The following AEN variants were observed in gnomAD, a reference collection of about 807,000 sequenced individuals.
AEN encodes the protein apoptosis-enhancing nuclease.
A neutral mutation model predicts 17.7 loss-of-function variants in AEN; 21 were observed. The ratio of observed to expected loss-of-function variants is 1.19; its 90% CI spans 0.84 to 1.71. The LOEUF is 1.71. Among genes scored for constraint, AEN ranks in the 40% most tolerant of loss-of-function variants. AEN has a pLI of 0.00. For synonymous variants in AEN, 190 were observed against 173.0 expected, an observed-to-expected ratio of 1.10 and a Z score of -0.77; for missense variants, 462 against 435.9, an observed-to-expected ratio of 1.06 and a Z score of -0.53.
In AEN at chr15:88,626,440, C is replaced by T; in HGVS notation, c.231C>T (p.Ala77=). Residue 77 remains alanine (A), a synonymous_variant, in exon 2 of 4, where the codon GCC becomes GCT. Coordinates refer to ENST00000332810, the MANE Select transcript of AEN (RefSeq NM_022767.4). ...PFGAATATEA[A]SSGKQCLRAG... is the part of the protein sequence containing the mutation. ...GGGCAGCGACAGCAACTGAAGCTGC[C>T]AGCAGTGGGAAGCAGTGTCTGAGGG... is the stretch of plus-strand genomic sequence containing the variant. 2 of 1,613,672 alleles carry T rather than the reference C, an allele frequency of 1.2e-6. No individual in the cohort carries two copies. The highest frequency in any genetic ancestry group is 1.7e-6 in the Non-Finnish European group (2 of 1,179,912).
At chr15:88,608,030 T>A in the AEN span, 31 of 475,752 alleles carry the variant, frequency 6.5e-5, no homozygotes, top group East Asian at 9.8e-4. Flanking sequence ...GTGGTTTTTT[T>A]TAATTATTAT....
rs758141243 is a variant in AEN, at chr15:88,629,408, G to A, written c.723G>A (p.Leu241=). The change falls in exon 3 of 4, where the codon CTG becomes CTA. Residue 241 remains leucine, a synonymous_variant. Transcript: ENST00000332810. Reference sequence around the variant, plus strand: ...CTCTAAAGGACCTGGCCCTGCAGCTGCTGCACAAGAAGATCCAGGTGCGTG... The same window carrying A: ...CTCTAAAGGACCTGGCCCTGCAGCTACTGCACAAGAAGATCCAGGTGCGTG... ...RVSLKDLALQ[L]LHKKIQVGQH... is the part of the protein sequence containing the mutation. 11 of 1,613,972 alleles carry A rather than the reference G, an allele frequency of 6.8e-6. No homozygotes were observed. Among genetic ancestry groups the A allele is most frequent in the Non-Finnish European group, 9.3e-6 (11 of 1,179,924 alleles).
chr15:88,605,791 A>G, the AEN span, among the ~76,000 whole-genome samples: 1 of 152,058 alleles, frequency 6.6e-6, no homozygotes, highest in African/African-American at 2.4e-5. The surrounding 1 kb of genome is among the most constrained non-coding windows in gnomAD (Gnocchi z 7.6). Flanking sequence ...CCCCTCCCCC[A>G]GCGAATCCGA....
In AEN at chr15:88,626,313, G is replaced by A. The variant is rs139013526; in HGVS notation, c.104G>A (p.Arg35Gln). 68 of 1,613,626 alleles carry A rather than the reference G, an allele frequency of 4.2e-5. No homozygotes were observed. The highest frequency in any genetic ancestry group is 5.3e-5 in the Non-Finnish European group (63 of 1,179,946). The stretch of plus-strand genomic sequence containing the variant: ...CGGAAGAGGCACAAGAGAAGGAGCC[G>A]ACAGCACCAGCGGTTCATGGCCCGG... ...VLRKRHKRRSRQHQRFMARKA... is the reference protein window; with the variant it reads ...VLRKRHKRRSQQHQRFMARKA... Residue 35 changes from arginine (R) to glutamine (Q), a missense_variant, in exon 2 of 4, where the codon CGA (arginine) becomes CAA (glutamine). Arg to Gln is a conservative substitution (Grantham distance 43). Coordinates refer to ENST00000332810, the MANE Select transcript of AEN (RefSeq NM_022767.4).
chr15:88,610,945 A>G, the AEN span, among the ~76,000 whole-genome samples: 1 of 152,118 alleles, frequency 6.6e-6, no homozygotes, highest in African/African-American at 2.4e-5. Flanking sequence ...ACTGCAAGGG[A>G]AATTAACCAG....
Position 88,626,715 on chromosome 15 carries a change from G to A in AEN, c.506G>A (p.Arg169His), listed in dbSNP as rs764858603. Residue 169 changes from arginine to histidine, a missense_variant, in exon 2 of 4, where the codon CGC becomes CAC. Coordinates refer to ENST00000332810, the MANE Select transcript of AEN (RefSeq NM_022767.4). Reference protein sequence around the residue: ...RWSGITRQHMRKAVPFQVAQK... With the variant: ...RWSGITRQHMHKAVPFQVAQK... ...AGTGGCATCACTCGGCAGCACATGC[G>A]CAAGGCTGTCCCCTTCCAGGTGGCC... The A allele has an allele frequency of 3.1e-5, 50 of 1,612,030 alleles. No homozygotes were observed. In the East Asian group the frequency reaches 7.6e-4, roughly 24 times the overall value.
the AEN span, chr15:88,608,036 A>T: frequency 8.3e-6 from 4 of 480,426 alleles, no homozygotes; most frequent in Admixed American, 4.2e-5. Context: ...TTTTTTAATT[A>T]TTATTCACTT....
chr15:88,619,558 C>T (rs1243885030), upstream of AEN, among the ~76,000 whole-genome samples: 2 of 152,074 alleles, frequency 1.3e-5, no homozygotes, highest in African/African-American at 2.4e-5. Flanking sequence ...CATGGTGGCA[C>T]GTGCCTGTAA....
intron 2 of AEN, 52 bp downstream of exon 2, chr15:88,626,801 C>A: frequency 6.4e-7 from 1 of 1,550,478 alleles, no homozygotes; most frequent in Non-Finnish European, 8.7e-7. Context: ...CTGGAAAGAG[C>A]CACCCTGGGT....
chr15:88,624,766 C>T (rs955460193), intron 1 of AEN, among the ~76,000 whole-genome samples: 1 of 152,022 alleles, frequency 6.6e-6, no homozygotes, highest in African/African-American at 2.4e-5. Flanking sequence ...TGCCTGTAAT[C>T]CAGCTACACA....
the AEN span, among the ~76,000 whole-genome samples, chr15:88,606,700 G>C: frequency 6.6e-6 from 1 of 152,346 alleles, no homozygotes; most frequent in African/African-American, 2.4e-5. Context: ...TCTGGGCTAG[G>C]TGAGAGGCAC....
intron 1 of AEN, among the ~76,000 whole-genome samples, chr15:88,624,865 G>C (rs886195857): frequency 2.3e-5 from 3 of 131,458 alleles, no homozygotes; most frequent in Non-Finnish European, 3.3e-5. Context: ...CCTGGGTAAC[G>C]AGAACGAAAC....
chr15:88,610,047 C>A, the AEN span, among the ~76,000 whole-genome samples: 1 of 152,184 alleles, frequency 6.6e-6, no homozygotes, highest in African/African-American at 2.4e-5. Flanking sequence ...AGCTGACATC[C>A]AGAGAGATGC....
the AEN span, among the ~76,000 whole-genome samples, chr15:88,614,955 T>C: frequency 1.3e-5 from 2 of 152,040 alleles, no homozygotes; most frequent in Non-Finnish European, 2.9e-5. Context: ...TGGCGCGATC[T>C]CGGGTTCACG....
intron 3 of AEN, 23 bp downstream of exon 3, chr15:88,629,449 G>C: frequency 6.2e-7 from 1 of 1,608,414 alleles, no homozygotes; most frequent in Non-Finnish European, 8.5e-7. Context: ...AGAGTGGCTG[G>C]AAGGGAGGGA....
chr15:88,615,666 A>T, the AEN span, among the ~76,000 whole-genome samples: 480 of 152,148 alleles, frequency 3.2e-3, 3 homozygotes, highest in African/African-American at 0.01. Flanking sequence ...TCTGGGCCTC[A>T]TCCCCTGACT....
chr15:88,609,696 T>A, the AEN span, among the ~76,000 whole-genome samples: 1 of 152,206 alleles, frequency 6.6e-6, no homozygotes, highest in Non-Finnish European at 1.5e-5. Context: ...AGCAGCCTCT[T>A]TTATTGCTTG....
chr15:88,618,569 A>T (rs1297574932), upstream of AEN, among the ~76,000 whole-genome samples: 1 of 152,254 alleles, frequency 6.6e-6, no homozygotes, highest in Non-Finnish European at 1.5e-5. Context: ...ATATCTTTGA[A>T]GGAGATGGAT....
chr15:88,630,425 T>A lies in AEN; in HGVS notation c.*131T>A. ...TGAGCCAGCCCCAGGGCCAGAGGAG[T>A]AGGGGTCATCTGTTACCTTGACACC... On this transcript the variant is annotated 3_prime_UTR_variant, in exon 4 of 4. Transcript: ENST00000332810. This position sits in a 1 kb window ranked among gnomAD's most constrained non-coding sequence, Gnocchi z 5.1. 3 of 810,404 alleles carry A rather than the reference T, an allele frequency of 3.7e-6. No individual in the cohort carries two copies. The highest frequency in any genetic ancestry group is 6.0e-6 in the Non-Finnish European group (3 of 503,158). 50.2% of individuals were successfully genotyped at this position (810,404 alleles called of 1,614,324 possible). A position where few individuals can be genotyped will look rare whatever the true frequency, so the allele number is the denominator to read the frequency against.
Sources: gnomAD v4.1 joint callset for allele counts (sites outside exome capture counted in the v4.1 genomes callset) on GRCh38, gnomAD v4.1.1 for gene constraint, Gnocchi (gnomAD v3.1) non-coding constraint, MANE v1.5 for transcripts, NCBI Gene and HGNC (gene_info 2026-07-23, HGNC 2026-07-21) for gene names.